ZNF407: variants seen among roughly 807,000 people sequenced by gnomAD.
ZNF407 encodes the protein zinc finger protein 407.
Under a neutral mutation model 131.2 loss-of-function variants are expected in ZNF407, and 17 were observed. The ratio of observed to expected loss-of-function variants is 0.13; its 90% CI spans 0.09 to 0.19. ZNF407 has a LOEUF of 0.19. Ranked by LOEUF, ZNF407 falls within the 10% of genes least tolerant of loss-of-function variation. The pLI is 1.00. For synonymous variants in ZNF407, 1,156 were observed against 1,062.0 expected, an observed-to-expected ratio of 1.09 and a Z score of -1.72; for missense variants, 2,681 against 2,830.6, an observed-to-expected ratio of 0.95 and a Z score of 1.20.
intron 3 of ZNF407, among the ~76,000 whole-genome samples, chr18:74,755,664 C>T (rs759173822): frequency 5.5e-4 from 79 of 144,254 alleles, no homozygotes; most frequent in African/African-American, 1.6e-3. Context: ...TCTCAGCTCA[C>T]GGCAACCTCT....
chr18:74,601,086 G>A (rs959483093), intron 1 of ZNF407, among the ~76,000 whole-genome samples: 5 of 152,186 alleles, frequency 3.3e-5, no homozygotes, highest in Non-Finnish European at 5.9e-5. Flanking sequence ...TGGAGTAGGT[G>A]AGATGGACAA....
At chr18:74,753,495 G>C (rs1020770998) in intron 3 of ZNF407, among the ~76,000 whole-genome samples, 1 of 152,192 alleles carries the variant, frequency 6.6e-6, no homozygotes, top group Non-Finnish European at 1.5e-5. Flanking sequence ...CTGTGGGTTT[G>C]TCATAAATAG....
chr18:75,000,706 ATATTT>A (rs1972835156), intron 8 of ZNF407, among the ~76,000 whole-genome samples: 1 of 152,140 alleles, frequency 6.6e-6, no homozygotes, highest in African/African-American at 2.4e-5. Context: ...TCATTTTTAT[ATATTT>A]TATTAATGCA....
At chr18:74,685,382 G>A (rs985999735) in intron 3 of ZNF407, among the ~76,000 whole-genome samples, 4 of 152,046 alleles carry the variant, frequency 2.6e-5, no homozygotes, top group Non-Finnish European at 5.9e-5. Context: ...GGCATCCCCC[G>A]GTCCTGGCAC....
chr18:74,681,967 C>T (rs1003811252), intron 3 of ZNF407, among the ~76,000 whole-genome samples: 2 of 152,046 alleles, frequency 1.3e-5, no homozygotes, highest in South Asian at 2.1e-4. Flanking sequence ...ATGATAGAAC[C>T]GTGTATAATC....
chr18:74,916,337 CGG>C (rs1302894342), intron 7 of ZNF407, among the ~76,000 whole-genome samples: 2 of 50,232 alleles, frequency 4.0e-5, no homozygotes, highest in Non-Finnish European at 6.7e-5. Context: ...TGGTTCGAAT[CGG>C]GAGTGTGTGT....
chr18:74,982,615 G>C (rs1972605671), intron 8 of ZNF407, among the ~76,000 whole-genome samples: 1 of 152,218 alleles, frequency 6.6e-6, no homozygotes, highest in Non-Finnish European at 1.5e-5. Context: ...CCAGTAATCA[G>C]GGCGTTGCCT....
intron 8 of ZNF407, among the ~76,000 whole-genome samples, chr18:74,957,725 C>T (rs547714459): frequency 3.9e-5 from 6 of 152,136 alleles, no homozygotes; most frequent in African/African-American, 1.2e-4. Context: ...ACAGACTGGG[C>T]GGGGATTTTA....
At chr18:74,767,820 ATTTTTT>A (rs10692267) in intron 3 of ZNF407, among the ~76,000 whole-genome samples, 2 of 114,102 alleles carry the variant, frequency 1.8e-5, no homozygotes, top group African/African-American at 3.4e-5. Flanking sequence ...CGCCTGGCTA[ATTTTTT>A]TTTTTTTTTT....
intron 8 of ZNF407, among the ~76,000 whole-genome samples, chr18:75,029,621 G>T (rs1054593627): frequency 2.0e-5 from 3 of 152,146 alleles, no homozygotes; most frequent in Non-Finnish European, 2.9e-5. Flanking sequence ...GTGTGCCTGG[G>T]TGTGCGTGGG....
chr18:75,003,144 A>G (rs79714067), intron 8 of ZNF407, among the ~76,000 whole-genome samples: 4 of 152,344 alleles, frequency 2.6e-5, no homozygotes, highest in East Asian at 1.9e-4. Flanking sequence ...AAACATTTCA[A>G]TTATTTCAGA....
At chr18:74,864,403 A>G (rs1481049240) in intron 4 of ZNF407, among the ~76,000 whole-genome samples, 6 of 152,212 alleles carry the variant, frequency 3.9e-5, no homozygotes, top group Admixed American at 3.9e-4. Flanking sequence ...GTAAGCTGCC[A>G]CTGTCACACA....
At chr18:74,649,117 T>C (rs527332908) in intron 3 of ZNF407, among the ~76,000 whole-genome samples, 2 of 152,368 alleles carry the variant, frequency 1.3e-5, no homozygotes, top group South Asian at 2.1e-4. Flanking sequence ...TATCTAGATA[T>C]ACAAATTTTT....
intron 4 of ZNF407, among the ~76,000 whole-genome samples, chr18:74,853,413 G>C (rs760003733): frequency 1.0e-3 from 152 of 152,256 alleles, no homozygotes; most frequent in Non-Finnish European, 1.8e-3. Flanking sequence ...TACCACTCAG[G>C]AACACATCCT....
At chr18:75,032,846 C>T (rs1458460650) in intron 8 of ZNF407, among the ~76,000 whole-genome samples, 3 of 111,114 alleles carry the variant, frequency 2.7e-5, no homozygotes, top group African/African-American at 1.1e-4. Flanking sequence ...TAAGAGTGCT[C>T]GGAATGGGGG....
At chr18:74,792,335 G>T (rs574288716) in intron 4 of ZNF407, among the ~76,000 whole-genome samples, 12 of 151,658 alleles carry the variant, frequency 7.9e-5, no homozygotes, top group African/African-American at 2.9e-4. Context: ...ATTTAAATTA[G>T]ACCCAAATTT....
rs180818425 is a variant in ZNF407, at chr18:74,808,920, A to G, written c.4877+27418A>G. Among the ~76,000 whole-genome samples, 8 of 152,306 alleles carry G rather than the reference A, an allele frequency of 5.3e-5. No homozygotes were observed. The Middle Eastern group carries it at 0.014, about 259-fold the overall frequency. On this transcript the variant is annotated intron_variant, in intron 4 of 8. Transcript: ENST00000299687. ...GACATGTTTCTTTTACTGATGTAAT[A>G]TTGGTCTGTGGGGAATAAATGTAGA...
chr18:74,904,304 CT>C (rs1305535404), intron 7 of ZNF407, among the ~76,000 whole-genome samples: 1 of 152,228 alleles, frequency 6.6e-6, no homozygotes, highest in African/African-American at 2.4e-5. Flanking sequence ...TTCTCACGCA[CT>C]TTCTCTTCTC....
chr18:74,803,911 C>T (rs1481479755), intron 4 of ZNF407: 20 of 1,533,730 alleles, frequency 1.3e-5, no homozygotes, highest in African/African-American at 8.3e-5. Flanking sequence ...TGCTTTACAA[C>T]GTGCCTTGAA....
Sources: allele counts gnomAD v4.1 joint callset (sites outside exome capture counted in the v4.1 genomes callset), GRCh38; gene constraint gnomAD v4.1.1; transcripts MANE v1.5; gene names NCBI Gene and HGNC (gene_info 2026-07-23, HGNC 2026-07-21).